Variants in GPR158 observed in about 807,000 individuals in gnomAD.
GPR158 encodes G protein-coupled receptor 158, also known as metabotropic glycine receptor.
In GPR158, 30 loss-of-function variants were observed where a neutral mutation model predicts 78.2. That is an observed-to-expected ratio of 0.38 (90% CI 0.29 to 0.52). The LOEUF is 0.52. Among genes scored for constraint, GPR158 ranks in the 20% least tolerant of loss-of-function variants. The pLI is 0.83. For missense variants in GPR158, 1,463 were observed against 1,523.5 expected (o/e 0.96, Z 0.66); for synonymous variants, 581 against 591.1 (o/e 0.98, Z 0.25).
chr10:25,578,957 C>A (rs2130738050), intron 7 of GPR158, among the ~76,000 whole-genome samples: 1 of 152,008 alleles, frequency 6.6e-6, no homozygotes, highest in Admixed American at 6.5e-5. Context: ...TGCAGTGAGC[C>A]AAGATCACGC....
intron 1 of GPR158, among the ~76,000 whole-genome samples, chr10:25,205,764 C>T (rs1853017792): frequency 6.6e-6 from 1 of 151,774 alleles, no homozygotes; most frequent in East Asian, 1.9e-4. Context: ...GTATTAATTT[C>T]TCTTTTTCTA....
At chr10:25,179,865 G>A (rs1852592096) in intron 1 of GPR158, among the ~76,000 whole-genome samples, 1 of 152,058 alleles carries the variant, frequency 6.6e-6, no homozygotes, top group East Asian at 1.9e-4. Flanking sequence ...TTTAACATTA[G>A]CTTTGTAATA....
intron 4 of GPR158, among the ~76,000 whole-genome samples, chr10:25,420,778 T>C (rs577413962): frequency 8.5e-5 from 13 of 152,198 alleles, no homozygotes; most frequent in Non-Finnish European, 1.8e-4. Context: ...TTATCATATA[T>C]GTTAAGGTGT....
At chr10:25,513,878 G>C (rs1392311275) in intron 5 of GPR158, among the ~76,000 whole-genome samples, 1 of 152,108 alleles carries the variant, frequency 6.6e-6, no homozygotes, top group Non-Finnish European at 1.5e-5. Flanking sequence ...TGTGGTCAGA[G>C]AGAGTACTTG....
At chr10:25,465,885 T>C (rs541162860) in intron 4 of GPR158, among the ~76,000 whole-genome samples, 10 of 152,200 alleles carry the variant, frequency 6.6e-5, no homozygotes, top group Non-Finnish European at 1.3e-4. Context: ...AGTGGCTAAG[T>C]TGGCTGTTCT....
At chr10:25,379,636 T>C (rs1834127083) in intron 2 of GPR158, among the ~76,000 whole-genome samples, 1 of 144,940 alleles carries the variant, frequency 6.9e-6, no homozygotes, top group Non-Finnish European at 1.5e-5. Flanking sequence ...ACAAATTTTT[T>C]TGAGGATTAG....
intron 5 of GPR158, among the ~76,000 whole-genome samples, chr10:25,487,969 G>A (rs189964990): frequency 9.9e-5 from 15 of 152,092 alleles, no homozygotes; most frequent in African/African-American, 3.6e-4. Flanking sequence ...TCAAAAGCTA[G>A]GTAATAAAAA....
chr10:25,575,192 A>G (rs1240962485), intron 7 of GPR158, among the ~76,000 whole-genome samples: 1 of 152,206 alleles, frequency 6.6e-6, no homozygotes, highest in Non-Finnish European at 1.5e-5. Flanking sequence ...GGTTGAGTAT[A>G]TTGTGAGTTT....
At chr10:25,589,511 T>C (rs1467910385) in intron 8 of GPR158, among the ~76,000 whole-genome samples, 2 of 152,218 alleles carry the variant, frequency 1.3e-5, no homozygotes, top group Non-Finnish European at 2.9e-5. Flanking sequence ...TATCTATATT[T>C]TCATTTATGT....
At chr10:25,529,129 G>A (rs574625455) in intron 5 of GPR158, among the ~76,000 whole-genome samples, 5 of 152,202 alleles carry the variant, frequency 3.3e-5, no homozygotes, top group African/African-American at 9.6e-5. Context: ...TGGCTCACGC[G>A]TGTAATCCCA....
At chr10:25,201,594 G>C (rs1852930623) in intron 1 of GPR158, among the ~76,000 whole-genome samples, 1 of 152,098 alleles carries the variant, frequency 6.6e-6, no homozygotes, top group South Asian at 2.1e-4. Context: ...AATTCTGCCA[G>C]TTTTTGCCTA....
chr10:25,524,604 T>G (rs1479493916), intron 5 of GPR158, among the ~76,000 whole-genome samples: 2 of 152,158 alleles, frequency 1.3e-5, no homozygotes, highest in African/African-American at 4.8e-5. Flanking sequence ...ATGAGTTGGA[T>G]CCCTAGTTCA....
At chr10:25,254,067 A>G (rs1463973803) in intron 2 of GPR158, among the ~76,000 whole-genome samples, 1 of 152,190 alleles carries the variant, frequency 6.6e-6, no homozygotes, top group Non-Finnish European at 1.5e-5. Context: ...TCCCTTATGG[A>G]TCATTAAAGA....
intron 4 of GPR158, among the ~76,000 whole-genome samples, chr10:25,446,758 C>T (rs1835142466): frequency 6.6e-6 from 1 of 152,134 alleles, no homozygotes; most frequent in Non-Finnish European, 1.5e-5. Flanking sequence ...TTGTAAGTAA[C>T]TAGGTAATAT....
intron 1 of GPR158, among the ~76,000 whole-genome samples, chr10:25,217,186 C>G (rs535184976): frequency 3.3e-5 from 5 of 152,268 alleles, no homozygotes; most frequent in Admixed American, 1.3e-4. Context: ...ATGCAATGGT[C>G]TCTTTCTGGT....
intron 2 of GPR158, among the ~76,000 whole-genome samples, chr10:25,341,310 A>T (rs1358353674): frequency 1.3e-5 from 2 of 152,078 alleles, no homozygotes; most frequent in East Asian, 3.9e-4. Flanking sequence ...TGTACAACTC[A>T]GTAATAGTAG....
chr10:25,422,347 A>G (rs1834762477), intron 4 of GPR158, among the ~76,000 whole-genome samples: 2 of 152,140 alleles, frequency 1.3e-5, no homozygotes, highest in Non-Finnish European at 1.5e-5. Context: ...TAGCCTTGGT[A>G]TTAGATTCTC....
chr10:25,220,955 A>G, intron 1 of GPR158, 97 bp from the exon 2 acceptor site: 1 of 738,458 alleles, frequency 1.4e-6, no homozygotes, highest in Admixed American at 2.8e-5. Context: ...AATTTTTGGC[A>G]TGTTCTTTAT....
intron 4 of GPR158, among the ~76,000 whole-genome samples, chr10:25,414,166 C>T (rs1834630334): frequency 6.6e-6 from 1 of 152,120 alleles, no homozygotes. Flanking sequence ...GTTGGTAATA[C>T]ATGGTAGGTA....
Sources: gnomAD v4.1 joint callset for allele counts (sites outside exome capture counted in the v4.1 genomes callset) on GRCh38, gnomAD v4.1.1 for gene constraint, MANE v1.5 for transcripts, NCBI Gene and HGNC (gene_info 2026-07-23, HGNC 2026-07-21) for gene names.